Variants in PRKN observed in about 807,000 individuals in gnomAD.
PRKN encodes parkin RBR E3 ubiquitin protein ligase, also known as E3 ubiquitin-protein ligase parkin.
A neutral mutation model predicts 59.5 loss-of-function variants in PRKN; 56 were observed. The observed-to-expected ratio is 0.94, with a 90% CI of 0.76 to 1.18. The LOEUF is 1.18. Ranked by LOEUF, PRKN falls within the 50% of genes most tolerant of loss-of-function variation. The probability of loss-of-function intolerance (pLI) is 0.00; values close to 1 mark genes in which losing one functional copy is unlikely to be tolerated. For missense variants in PRKN, 657 were observed against 596.4 expected (o/e 1.10, Z -1.06); for synonymous variants, 250 against 222.1 (o/e 1.13, Z -1.12).
At position 162,671,894 on chromosome 6, in the gene PRKN, T is replaced by G. The variant is rs371929952; in HGVS notation, c.7+55768A>C. The stretch of plus-strand genomic sequence containing the variant: ...GAGAGGAGGAGAGAGGGGAGGTAGG[T>G]TGGATGAGGGACAGGGAGGAAGACA... On this transcript the variant is annotated intron_variant, in intron 1 of 11. Transcript: ENST00000366898. Among the ~76,000 whole-genome samples, 20 of 151,602 alleles carry G rather than the reference T, an allele frequency of 1.3e-4. No individual in the cohort carries two copies. The East Asian group carries it at 2.9e-3, about 22-fold the overall frequency.
intron 1 of PRKN, among the ~76,000 whole-genome samples, chr6:162,534,826 T>C (rs1778652881): frequency 6.6e-6 from 1 of 152,102 alleles, no homozygotes; most frequent in Non-Finnish European, 1.5e-5. Flanking sequence ...CCTGTGCACT[T>C]TCCGCTTCCC....
rs186147123 is a variant in PRKN, at chr6:162,528,890, T to C, written c.8-85417A>G. On this transcript the variant is annotated intron_variant, in intron 1 of 11. Transcript: ENST00000366898. Reference sequence around the variant, plus strand: ...TTCTCAGCTTTTTACTTATTTATTTTTTTTGGAGACGGAGTCTTGATGTGT... The same window carrying C: ...TTCTCAGCTTTTTACTTATTTATTTCTTTTGGAGACGGAGTCTTGATGTGT... 6.2e-4 allele frequency among the ~76,000 whole-genome samples: 95 copies of C among 152,268 alleles called. 1 individual carries two copies. The South Asian group carries it at 9.3e-3, about 15-fold the overall frequency.
At chr6:161,718,989 G>C (rs1275676457) in intron 7 of PRKN, among the ~76,000 whole-genome samples, 1 of 152,088 alleles carries the variant, frequency 6.6e-6, no homozygotes, top group Non-Finnish European at 1.5e-5. Context: ...AACTAAGACT[G>C]TTATCAATAA....
intron 5 of PRKN, among the ~76,000 whole-genome samples, chr6:162,021,593 C>T (rs569513112): frequency 7.9e-5 from 12 of 151,786 alleles, no homozygotes; most frequent in East Asian, 7.8e-4. Flanking sequence ...ATTACTCATC[C>T]GAAGTTTCTA....
chr6:162,080,910 C>T (rs1304484990), intron 4 of PRKN, among the ~76,000 whole-genome samples: 2 of 152,060 alleles, frequency 1.3e-5, no homozygotes, highest in Non-Finnish European at 2.9e-5. Flanking sequence ...GTCTGAAATC[C>T]TGTGTTATCA....
rs1383715197 is a variant in PRKN at position 161,978,021 on chromosome 6, T to TTATTG, written c.619-4605_619-4604insCAATA. Reference sequence around the variant, plus strand: ...TAATTTGCAGTTATTTTATTGTATTTTATTTTATTGTATTTTATTTTATTT... The same window carrying TTATTG: ...TAATTTGCAGTTATTTTATTGTATTTTATTGTATTTTATTGTATTTTATTTTATTT... On this transcript the variant is annotated intron_variant, in intron 5 of 11. Transcript: ENST00000366898. 4.4e-3 allele frequency among the ~76,000 whole-genome samples: 558 copies of TTATTG among 126,618 alleles called. 6 individuals are homozygous for TTATTG. The highest frequency in any genetic ancestry group is 0.016 in the African/African-American group (514 of 31,626). The allele number at this position is 126,618 out of a possible 152,430, so 83.1% of individuals were successfully genotyped here.
intron 2 of PRKN, among the ~76,000 whole-genome samples, chr6:162,268,244 T>C (rs956322318): frequency 3.3e-5 from 5 of 152,160 alleles, no homozygotes; most frequent in African/African-American, 1.2e-4. Context: ...ATCAATGTGA[T>C]TGCATGAAGA....
chr6:161,463,412 T>C lies in PRKN; in HGVS notation c.1084-76535A>G, dbSNP rs1304494969. ...GAGGTCAACTGAGTCTAAGAAGACA[T>C]TAAAAATCCTGAAATTGGCCATATC... On this transcript the variant is annotated intron_variant, in intron 9 of 11. Coordinates refer to ENST00000366898, the MANE Select transcript of PRKN (RefSeq NM_004562.3). The surrounding 1 kb of genome is among the most constrained non-coding windows in gnomAD (Gnocchi z 4.8). 2.0e-5 allele frequency among the ~76,000 whole-genome samples: 3 copies of C among 152,202 alleles called. No individual in the cohort carries two copies. Among genetic ancestry groups the C allele is most frequent in the Non-Finnish European group, 4.4e-5 (3 of 68,040 alleles).
At chr6:162,057,693 G>T (rs1288862059) in intron 4 of PRKN, among the ~76,000 whole-genome samples, 2 of 152,176 alleles carry the variant, frequency 1.3e-5, no homozygotes, top group Non-Finnish European at 2.9e-5. Context: ...TTGAACTATA[G>T]TTGCTTTAGC....
At position 162,404,367 on chromosome 6, in the gene PRKN, C is replaced by CA. The variant is rs561461282; in HGVS notation, c.171+38942dup. 2.5e-3 allele frequency among the ~76,000 whole-genome samples: 346 copies of CA among 139,064 alleles called. 3 individuals carry two copies. Among genetic ancestry groups the CA allele is most frequent in the African/African-American group, 8.5e-3 (318 of 37,572 alleles). 91.2% of individuals were successfully genotyped at this position (139,064 alleles called of 152,430 possible). ...CCTGGGCGACAGAGTGAGACTCTGT[C>CA]AGAAAAAAAAAAAAAGAAAGAAAGA... On this transcript the variant is annotated intron_variant, in intron 2 of 11. Coordinates refer to ENST00000366898, the MANE Select transcript of PRKN (RefSeq NM_004562.3).
At chr6:162,030,008 A>G (rs1180029399) in intron 5 of PRKN, among the ~76,000 whole-genome samples, 1 of 152,020 alleles carries the variant, frequency 6.6e-6, no homozygotes, top group African/African-American at 2.4e-5. Flanking sequence ...CCAGCTAATT[A>G]AAACAAAAAA....
At chr6:161,375,832 G>A (rs1352831086) in intron 10 of PRKN, among the ~76,000 whole-genome samples, 10 of 152,184 alleles carry the variant, frequency 6.6e-5, no homozygotes, top group Non-Finnish European at 1.2e-4. Context: ...CGACGCGCTG[G>A]CTTTAATGGA....
At chr6:162,329,256 C>T (rs1360308602) in intron 2 of PRKN, among the ~76,000 whole-genome samples, 20 of 151,834 alleles carry the variant, frequency 1.3e-4, no homozygotes, top group African/African-American at 3.9e-4. Context: ...GGGTGCAGCA[C>T]GGGGGACCCA....
intron 4 of PRKN, among the ~76,000 whole-genome samples, chr6:162,165,339 G>T (rs1782929405): frequency 6.7e-6 from 1 of 149,044 alleles, no homozygotes; most frequent in South Asian, 2.1e-4. Context: ...TAAAACATCT[G>T]TTCATAAAAA....
At chr6:161,829,117 TTG>T (rs1792369171) in intron 6 of PRKN, among the ~76,000 whole-genome samples, 2 of 152,016 alleles carry the variant, frequency 1.3e-5, no homozygotes, top group Non-Finnish European at 2.9e-5. Flanking sequence ...TCCCAGCTAC[TTG>T]GGAGGCTGAG....
Position 161,885,522 on chromosome 6 carries a change from A to G in PRKN, c.734+87780T>C, listed in dbSNP as rs571511329. On this transcript the variant is annotated intron_variant, in intron 6 of 11. Transcript: ENST00000366898. The stretch of plus-strand genomic sequence containing the variant: ...TACTAAAAATACAAAAAAATTAGCC[A>G]GGCGTGGTGGCGGGCCCCTGTAGTC... Among the ~76,000 whole-genome samples, 591 of 152,040 alleles carry G rather than the reference A, an allele frequency of 3.9e-3. 3 individuals are homozygous for G. The highest frequency in any genetic ancestry group is 0.013 in the African/African-American group (531 of 41,496).
intron 6 of PRKN, among the ~76,000 whole-genome samples, chr6:161,795,228 C>CTTTTTTTTTTTTT (rs58319044): frequency 3.1e-5 from 4 of 128,422 alleles, no homozygotes; most frequent in Non-Finnish European, 4.7e-5. Context: ...GTTTTCTTTT[C>CTTTTTTTTTTTTT]TTTTTTTTTT....
At chr6:162,508,273 G>C (rs1793694133) in intron 1 of PRKN, among the ~76,000 whole-genome samples, 1 of 152,086 alleles carries the variant, frequency 6.6e-6, no homozygotes, top group Non-Finnish European at 1.5e-5. Context: ...CTCCCACCAG[G>C]TCCCTCCCAC....
Position 162,588,053 on chromosome 6 carries a change from CA to C in PRKN, c.7+139608del, listed in dbSNP as rs1781139189. The stretch of plus-strand genomic sequence containing the variant: ...TTAGATGGAGTCTCAATCTGTCACC[CA>C]AGCTAGAGTGCAGTGGCACTATCTT... On this transcript the variant is annotated intron_variant, in intron 1 of 11. Coordinates refer to ENST00000366898, the MANE Select transcript of PRKN (RefSeq NM_004562.3). Among the ~76,000 whole-genome samples, 4 of 148,086 alleles carry C rather than the reference CA, an allele frequency of 2.7e-5. No individual in the cohort carries two copies. In the Admixed American group the frequency reaches 2.8e-4, roughly 10 times the overall value.
Sources: gnomAD v4.1 joint callset for allele counts (sites outside exome capture counted in the v4.1 genomes callset) on GRCh38, gnomAD v4.1.1 for gene constraint, Gnocchi (gnomAD v3.1) non-coding constraint, MANE v1.5 for transcripts, NCBI Gene and HGNC (gene_info 2026-07-23, HGNC 2026-07-21) for gene names.